Variants in CCDC3 observed in about 807,000 individuals in gnomAD.
CCDC3 encodes coiled-coil domain containing 3, also known as coiled-coil domain-containing protein 3.
In CCDC3, 24 loss-of-function variants were observed where a neutral mutation model predicts 21.4. The observed-to-expected ratio is 1.12, with a 90% CI of 0.81 to 1.58. The LOEUF (loss-of-function observed/expected upper bound fraction) is 1.58, where lower values mean the gene tolerates loss of function less well. CCDC3 is among the 40% of genes most tolerant of loss of function. The pLI is 0.00. For synonymous variants in CCDC3, 186 were observed against 166.0 expected, an observed-to-expected ratio of 1.12 and a Z score of -0.93; for missense variants, 425 against 360.9, an observed-to-expected ratio of 1.18 and a Z score of -1.44.
intron 5 of CCDC3, among the ~76,000 whole-genome samples, chr10:13,028,971 G>A (rs564095): frequency 1 from 151,859 of 152,336 alleles, 75,698 homozygotes; most frequent in East Asian, 1. Context: ...GCCAGCAGAT[G>A]CTTATTTGAT....
At chr10:13,098,067 A>T (rs1428695816) in intron 3 of CCDC3, among the ~76,000 whole-genome samples, 1 of 152,200 alleles carries the variant, frequency 6.6e-6, no homozygotes, top group Admixed American at 6.5e-5. Flanking sequence ...AAGGTCCTAC[A>T]GCTAAGAAGT....
intron 2 of CCDC3, among the ~76,000 whole-genome samples, chr10:12,982,044 C>T (rs1835505887): frequency 7.3e-6 from 1 of 136,664 alleles, no homozygotes; most frequent in Non-Finnish European, 1.5e-5. Context: ...ATTGCTTGAA[C>T]TCGGGAGGCA....
intron 2 of CCDC3, among the ~76,000 whole-genome samples, chr10:12,960,651 G>A (rs1396587817): frequency 6.6e-6 from 1 of 152,208 alleles, no homozygotes; most frequent in Non-Finnish European, 1.5e-5. Flanking sequence ...AGGTGGGGCA[G>A]GGTGCAGTCG....
Position 12,898,643 on chromosome 10 carries a change from C to A in CCDC3, c.586G>T (p.Glu196Ter). 1.9e-6 allele frequency: 3 copies of A among 1,614,214 alleles called. No homozygotes were observed. The highest frequency in any genetic ancestry group is 1.1e-5 in the South Asian group (1 of 91,090). Residue 196 changes from glutamate (E) to a stop codon, truncating the protein, a stop_gained, in exon 3 of 3, where the codon GAG becomes TAG. Coordinates refer to ENST00000378825, the MANE Select transcript of CCDC3 (RefSeq NM_031455.4). LOFTEE classifies it high-confidence loss of function. ...CSSVQKALFE[E>*]EDHVKKLQQK... ...TGCAGTTTCTTGACGTGGTCCTCCTCCTCAAACAAGGCCTTCTGCACCGAG... is the reference window on the plus strand; with the variant it reads ...TGCAGTTTCTTGACGTGGTCCTCCTACTCAAACAAGGCCTTCTGCACCGAG...
chr10:12,913,221 A>G (rs542199265), intron 2 of CCDC3, among the ~76,000 whole-genome samples: 1 of 152,356 alleles, frequency 6.6e-6, no homozygotes, highest in East Asian at 1.9e-4. Flanking sequence ...CTATGAGCAC[A>G]GGATATCTTC....
intron 2 of CCDC3, among the ~76,000 whole-genome samples, chr10:12,961,074 G>A (rs536295002): frequency 5.9e-5 from 9 of 152,280 alleles, no homozygotes; most frequent in East Asian, 5.8e-4. Context: ...GATGGCCTCC[G>A]AGGTGTCGTC....
At chr10:12,998,264 T>A in intron 2 of CCDC3, 74 bp downstream of exon 2, 2 of 1,515,168 alleles carry the variant, frequency 1.3e-6, no homozygotes, top group Non-Finnish European at 1.8e-6. Context: ...TCTTGATTCC[T>A]TTGGTCACAA....
chr10:13,033,428 T>C (rs1836331876), intron 5 of CCDC3, among the ~76,000 whole-genome samples: 1 of 152,178 alleles, frequency 6.6e-6, no homozygotes, highest in Non-Finnish European at 1.5e-5. Flanking sequence ...GACATAGGCA[T>C]GGGCGAGGAC....
chr10:13,080,566 AG>A (rs1837026639), intron 3 of CCDC3, among the ~76,000 whole-genome samples: 1 of 152,274 alleles, frequency 6.6e-6, no homozygotes, highest in South Asian at 2.1e-4. Context: ...GGTTAAAAAA[AG>A]GTGCTAAAGA....
intron 3 of CCDC3, among the ~76,000 whole-genome samples, chr10:13,097,552 C>T (rs1832643450): frequency 6.6e-6 from 1 of 152,084 alleles, no homozygotes; most frequent in Non-Finnish European, 1.5e-5. Flanking sequence ...GGCGAAACCT[C>T]ATCAATACGA....
chr10:13,090,167 C>A (rs575537320), intron 3 of CCDC3, among the ~76,000 whole-genome samples: 1 of 148,654 alleles, frequency 6.7e-6, no homozygotes, highest in East Asian at 2.0e-4. Flanking sequence ...CAGCTCACTG[C>A]AATCTCCACC....
chr10:12,990,352 T>C (rs1835663007), intron 2 of CCDC3, among the ~76,000 whole-genome samples: 1 of 151,786 alleles, frequency 6.6e-6, no homozygotes. Context: ...TACATGCAAG[T>C]GTGAAGAAAT....
At chr10:13,056,478 C>T (rs1836682865) in intron 4 of CCDC3, among the ~76,000 whole-genome samples, 1 of 152,234 alleles carries the variant, frequency 6.6e-6, no homozygotes, top group African/African-American at 2.4e-5. Flanking sequence ...ACATACATTA[C>T]ACACATATTG....
At chr10:13,096,864 C>T (rs1259665358) in intron 3 of CCDC3, among the ~76,000 whole-genome samples, 1 of 152,206 alleles carries the variant, frequency 6.6e-6, no homozygotes, top group East Asian at 1.9e-4. Flanking sequence ...GGGGGAGTCA[C>T]TCCTCCCTCC....
chr10:12,922,332 C>A (rs1834465555), intron 2 of CCDC3, among the ~76,000 whole-genome samples: 1 of 152,070 alleles, frequency 6.6e-6, no homozygotes, highest in Non-Finnish European at 1.5e-5. Context: ...TGTGCCAGTT[C>A]CCAAAAACTC....
In CCDC3 at chr10:12,909,256, G is replaced by A. The variant is rs115419098; in HGVS notation, c.550-10577C>T. ...GCTGATGCAGGCATTCCCTTGGGAA[G>A]GAAGAGTGACATTCATGGCCACTGA... is the stretch of plus-strand genomic sequence containing the variant. On this transcript the variant is annotated intron_variant, in intron 2 of 2. Coordinates refer to ENST00000378825, the MANE Select transcript of CCDC3 (RefSeq NM_031455.4). 7.3e-3 allele frequency among the ~76,000 whole-genome samples: 1,108 copies of A among 152,332 alleles called. 15 individuals are homozygous for A. The highest frequency in any genetic ancestry group is 0.025 in the African/African-American group (1,053 of 41,584).
At chr10:12,999,356 T>C (rs1231436310) in intron 1 of CCDC3, among the ~76,000 whole-genome samples, 1 of 152,228 alleles carries the variant, frequency 6.6e-6, no homozygotes, top group Non-Finnish European at 1.5e-5. Context: ...GCAGTATGCA[T>C]GTTAGTGAAC....
At chr10:13,085,059 T>C (rs544619445) in intron 3 of CCDC3, among the ~76,000 whole-genome samples, 1 of 152,316 alleles carries the variant, frequency 6.6e-6, no homozygotes, top group South Asian at 2.1e-4. Context: ...TGAGGCCCCC[T>C]GAAGATCCTG....
intron 4 of CCDC3, among the ~76,000 whole-genome samples, chr10:13,061,926 T>C (rs1241405433): frequency 1.3e-5 from 2 of 152,078 alleles, no homozygotes; most frequent in Non-Finnish European, 2.9e-5. Context: ...AAGAAAAAGA[T>C]CTAGCTATGT....
Sources: gnomAD v4.1 joint callset for allele counts (sites outside exome capture counted in the v4.1 genomes callset) on GRCh38, gnomAD v4.1.1 for gene constraint, MANE v1.5 for transcripts, NCBI Gene and HGNC (gene_info 2026-07-23, HGNC 2026-07-21) for gene names.